Variants in RRP1B observed in about 807,000 individuals in gnomAD.
RRP1B encodes ribosomal RNA processing protein 1 homolog B.
RRP1B carries 56 observed loss-of-function variants against 80.2 expected under a neutral mutation model. The observed-to-expected ratio is 0.70, with a 90% CI of 0.56 to 0.87. The LOEUF is 0.87. Ranked by LOEUF, RRP1B falls within the 40% of genes least tolerant of loss-of-function variation. The pLI is 0.00. For missense variants in RRP1B, 807 were observed against 939.8 expected (o/e 0.86, Z 1.85); for synonymous variants, 351 against 357.6 (o/e 0.98, Z 0.21).
intron 1 of RRP1B, among the ~76,000 whole-genome samples, chr21:43,661,889 T>C (rs747799319): frequency 6.6e-6 from 1 of 152,198 alleles, no homozygotes; most frequent in Non-Finnish European, 1.5e-5. Flanking sequence ...TCCCACACCT[T>C]CTTCACTGCC....
At position 43,682,975 on chromosome 21, in the gene RRP1B, C is replaced by T. The variant is rs9979415; in HGVS notation, c.797-304C>T. On this transcript the variant is annotated intron_variant, in intron 8 of 15. Coordinates refer to ENST00000340648, the MANE Select transcript of RRP1B (RefSeq NM_015056.3). Reference sequence around the variant, plus strand: ...GCAACCTCTGCCTCCTGGGTTCAAGCGATTCTCATGCCTCAGCCTCCCAAG... The same window carrying T: ...GCAACCTCTGCCTCCTGGGTTCAAGTGATTCTCATGCCTCAGCCTCCCAAG... Among the ~76,000 whole-genome samples, 1,504 of 152,210 alleles carry T rather than the reference C, an allele frequency of 9.9e-3. 22 individuals carry two copies. Among genetic ancestry groups the T allele is most frequent in the African/African-American group, 0.034 (1,417 of 41,534 alleles).
Position 43,693,464 on chromosome 21 carries a change from T to G in RRP1B, c.*81T>G, listed in dbSNP as rs1340235210. On this transcript the variant is annotated 3_prime_UTR_variant, in exon 16 of 16. Transcript: ENST00000340648. The surrounding 1 kb of genome is among the most constrained non-coding windows in gnomAD (Gnocchi z 4.1). Reference sequence around the variant, plus strand: ...ATACCTTTAAGAATGTGGGGCCTTTTTTATGATTTTGTAAGTTCCCATAAG... The same window carrying G: ...ATACCTTTAAGAATGTGGGGCCTTTGTTATGATTTTGTAAGTTCCCATAAG... 3 of 1,340,476 alleles carry G rather than the reference T, an allele frequency of 2.2e-6. No homozygotes were observed. The highest frequency in any genetic ancestry group is 9.9e-7 in the Non-Finnish European group (1 of 1,014,922). 83.0% of individuals were successfully genotyped at this position (1,340,476 alleles called of 1,614,324 possible). A position where few individuals can be genotyped will look rare whatever the true frequency, so the allele number is the denominator to read the frequency against.
intron 2 of RRP1B, 56 bp from the exon 3 acceptor site, chr21:43,672,252 C>T: frequency 6.7e-7 from 1 of 1,499,762 alleles, no homozygotes; most frequent in Non-Finnish European, 9.3e-7. Context: ...GCGGCACAGG[C>T]ATCTCATGTT....
At chr21:43,686,017 A>C in intron 11 of RRP1B, 1 of 393,344 alleles carries the variant, frequency 2.5e-6, no homozygotes, top group South Asian at 4.5e-5. Flanking sequence ...GTCACTTGGG[A>C]GTCTAAGAGG....
In RRP1B at chr21:43,687,687, C is replaced by T. The variant is rs561447076; in HGVS notation, c.1313C>T (p.Ala438Val). 2 of 1,608,460 alleles carry T rather than the reference C, an allele frequency of 1.2e-6. No homozygotes were observed. Among genetic ancestry groups the T allele is most frequent in the African/African-American group, 2.7e-5 (2 of 74,870 alleles). Residue 438 changes from alanine to valine, a missense_variant, in exon 13 of 16, where the codon GCC becomes GTC. By Grantham distance (64) the Ala-to-Val change is moderately conservative. Transcript: ENST00000340648. ...GREPEASGLKALKARVAEPGA... is the reference protein window; with the variant it reads ...GREPEASGLKVLKARVAEPGA... ...GAGCCCGAGGCCTCTGGGCTGAAAG[C>T]CCTGAAGGCACGTGTGGCCGAGCCA... is the stretch of plus-strand genomic sequence containing the variant.
At chr21:43,674,792 G>A (rs759197838) in intron 5 of RRP1B, 95 bp downstream of exon 5, 1 of 1,157,968 alleles carries the variant, frequency 8.6e-7, no homozygotes, top group South Asian at 1.3e-5. Flanking sequence ...CCAATGAGAA[G>A]CTCGATACAT....
In RRP1B at chr21:43,676,827, A is replaced by G. The variant is rs1236011796; in HGVS notation, c.709A>G (p.Thr237Ala). Reference sequence around the variant, plus strand: ...TGAAGAGACGATGGAGGAACAGAAGACAAAAGTGGGTGATGGTGACCTCTC... The same window carrying G: ...TGAAGAGACGATGGAGGAACAGAAGGCAAAAGTGGGTGATGGTGACCTCTC... The part of the protein sequence containing the change: ...VPEETMEEQK[T>A]KVGDGDLSAE... The change falls in exon 8 of 16, where the codon ACA becomes GCA. Residue 237 changes from threonine (T) to alanine (A), a missense_variant. Physicochemically the swap from Thr to Ala is moderately conservative, Grantham distance 58. Coordinates refer to ENST00000340648, the MANE Select transcript of RRP1B (RefSeq NM_015056.3). 6.2e-7 allele frequency: 1 copy of G among 1,614,248 alleles called. No homozygotes were observed. Among genetic ancestry groups the G allele is most frequent in the Non-Finnish European group, 8.5e-7 (1 of 1,180,038 alleles).
intron 11 of RRP1B, 106 bp downstream of exon 11, chr21:43,685,895 G>A (rs1258392071): frequency 5.1e-6 from 7 of 1,381,368 alleles, no homozygotes; most frequent in Non-Finnish European, 3.0e-6. Context: ...GAACTTTACT[G>A]AAAACCTCTG....
At chr21:43,678,400 TC>T (rs1184141786) in intron 8 of RRP1B, among the ~76,000 whole-genome samples, 1 of 152,124 alleles carries the variant, frequency 6.6e-6, no homozygotes, top group Non-Finnish European at 1.5e-5. Context: ...CCTCAGGTGA[TC>T]ACCCACCTCG....
intron 5 of RRP1B, 95 bp downstream of exon 5, chr21:43,674,792 G>C (rs759197838): frequency 1.7e-6 from 2 of 1,157,968 alleles, no homozygotes; most frequent in Non-Finnish European, 2.5e-6. Context: ...CCAATGAGAA[G>C]CTCGATACAT....
In RRP1B at chr21:43,673,967, C is replaced by G. The variant is rs758096993; in HGVS notation, c.357+12C>G. 1 of 1,572,566 alleles carries G rather than the reference C, an allele frequency of 6.4e-7. No homozygotes were observed. Among genetic ancestry groups the G allele is most frequent in the African/African-American group, 1.4e-5 (1 of 73,670 alleles). ...ACAAATACTATATGGTAAGATCTGC[C>G]GCAGTTACTTCAAAAACTCCTGGGA... On this transcript the variant is annotated intron_variant, in intron 4 of 15. Coordinates refer to ENST00000340648, the MANE Select transcript of RRP1B (RefSeq NM_015056.3).
At chr21:43,678,280 C>T (rs147644969) in intron 8 of RRP1B, among the ~76,000 whole-genome samples, 181 of 152,296 alleles carry the variant, frequency 1.2e-3, no homozygotes, top group African/African-American at 4.2e-3. Context: ...TTGCCTCAGC[C>T]TCCTGAGTAA....
intron 1 of RRP1B, among the ~76,000 whole-genome samples, chr21:43,667,286 G>A (rs2082982033): frequency 6.6e-6 from 1 of 152,128 alleles, no homozygotes; most frequent in Non-Finnish European, 1.5e-5. Flanking sequence ...GAGTGCAGTG[G>A]CACGATTATA....
chr21:43,693,215 C>T lies in RRP1B; in HGVS notation c.2109C>T (p.Ile703=). 1 of 1,614,066 alleles carries T rather than the reference C, an allele frequency of 6.2e-7. No individual in the cohort carries two copies. The highest frequency in any genetic ancestry group is 8.5e-7 in the Non-Finnish European group (1 of 1,179,998). The part of the protein sequence containing the change: ...TAEFKKTDKS[I]LVSPTGPSRV... ...AATTCAAGAAGACAGACAAGAGTATCTTGGTCAGTCCCACGGGCCCTTCTC... is the reference window on the plus strand; with the variant it reads ...AATTCAAGAAGACAGACAAGAGTATTTTGGTCAGTCCCACGGGCCCTTCTC... Residue 703 remains isoleucine (I), a synonymous_variant, in exon 16 of 16, where the codon ATC becomes ATT. Transcript: ENST00000340648. This position sits in a 1 kb window ranked among gnomAD's most constrained non-coding sequence, Gnocchi z 4.1.
intron 8 of RRP1B, among the ~76,000 whole-genome samples, chr21:43,678,542 C>G (rs1193289987): frequency 1.3e-5 from 2 of 152,158 alleles, no homozygotes; most frequent in Non-Finnish European, 2.9e-5. Context: ...TTTTCATTTG[C>G]ATTTCCGTGT....
rs532327762 is a variant in RRP1B at position 43,691,772 on chromosome 21, G to A, written c.2083+270G>A. Among the ~76,000 whole-genome samples the A allele has an allele frequency of 1.7e-4, 26 of 152,070 alleles. No individual in the cohort carries two copies. The highest frequency in any genetic ancestry group is 1.3e-3 in the South Asian group (6 of 4,796). On this transcript the variant is annotated intron_variant, in intron 15 of 15. Transcript: ENST00000340648. This position sits in a 1 kb window ranked among gnomAD's most constrained non-coding sequence, Gnocchi z 4.2. ...CTCCTGCCTCAGGCTGCCGGGTAGCGGGTAGCTGGGATCACAGGTGCACGC... is the reference window on the plus strand; with the variant it reads ...CTCCTGCCTCAGGCTGCCGGGTAGCAGGTAGCTGGGATCACAGGTGCACGC...
intron 13 of RRP1B, 49 bp from the exon 14 acceptor site, chr21:43,690,239 G>A (rs1464171525): frequency 6.2e-7 from 1 of 1,601,670 alleles, no homozygotes; most frequent in Non-Finnish European, 8.5e-7. Flanking sequence ...CAGCACAGGA[G>A]GCTCTGTCGT....
intron 1 of RRP1B, among the ~76,000 whole-genome samples, chr21:43,665,355 A>G (rs2298562): frequency 0.6 from 91,075 of 151,626 alleles, 28,024 homozygotes; most frequent in East Asian, 0.81. Context: ...GGAAAGATAC[A>G]CATCAGACAG....
intron 8 of RRP1B, among the ~76,000 whole-genome samples, chr21:43,677,967 C>T (rs549649086): frequency 2.2e-4 from 33 of 152,298 alleles, no homozygotes; most frequent in Admixed American, 9.2e-4. Flanking sequence ...TATAAACAAG[C>T]GTATGCAAGT....
Sources: gnomAD v4.1 joint callset for allele counts (sites outside exome capture counted in the v4.1 genomes callset) on GRCh38, gnomAD v4.1.1 for gene constraint, Gnocchi (gnomAD v3.1) non-coding constraint, MANE v1.5 for transcripts, NCBI Gene and HGNC (gene_info 2026-07-23, HGNC 2026-07-21) for gene names.